The following PTPRT variants were observed in gnomAD, a reference collection of about 807,000 sequenced individuals.
The protein encoded by PTPRT is receptor-type tyrosine-protein phosphatase T.
In PTPRT, 56 loss-of-function variants were observed where a neutral mutation model predicts 176.8. The ratio of observed to expected loss-of-function variants is 0.32; its 90% CI spans 0.26 to 0.40. The LOEUF is 0.40. PTPRT is among the 10% of genes least tolerant of loss of function. PTPRT has a pLI of 1.00. For missense variants in PTPRT, 1,540 were observed against 1,908.2 expected (o/e 0.81, Z 3.60); for synonymous variants, 783 against 739.0 (o/e 1.06, Z -0.96).
intron 5 of PTPRT, among the ~76,000 whole-genome samples, chr20:42,761,582 G>A (rs1049590257): frequency 1.3e-5 from 2 of 152,242 alleles, no homozygotes; most frequent in Admixed American, 6.5e-5. Context: ...GTCTGATAAA[G>A]TGTGAGATAA....
chr20:42,227,252 A>G (rs553093264), intron 15 of PTPRT, among the ~76,000 whole-genome samples: 11 of 152,284 alleles, frequency 7.2e-5, no homozygotes, highest in Non-Finnish European at 1.3e-4. Context: ...TGGGCAGAGG[A>G]AAGGTTGAAT....
chr20:42,614,049 C>T (rs1001847584), intron 7 of PTPRT, among the ~76,000 whole-genome samples: 1 of 151,880 alleles, frequency 6.6e-6, no homozygotes, highest in Non-Finnish European at 1.5e-5. Context: ...ACTGAAAGTC[C>T]AAGATCAAGG....
At chr20:42,876,573 C>T (rs1466873827) in intron 2 of PTPRT, among the ~76,000 whole-genome samples, 1 of 152,172 alleles carries the variant, frequency 6.6e-6, no homozygotes, top group African/African-American at 2.4e-5. Flanking sequence ...CCCATCCTGA[C>T]CAAAGCCTCG....
intron 1 of PTPRT, among the ~76,000 whole-genome samples, chr20:42,954,238 C>T (rs1981471661): frequency 6.6e-6 from 1 of 152,182 alleles, no homozygotes; most frequent in Admixed American, 6.5e-5. Flanking sequence ...CCAGGAGAAA[C>T]AGACCTTGCA....
chr20:42,237,098 C>T (rs1034415849), intron 14 of PTPRT, among the ~76,000 whole-genome samples: 3 of 152,192 alleles, frequency 2.0e-5, no homozygotes, highest in Non-Finnish European at 2.9e-5. Flanking sequence ...CAGCCCCCAG[C>T]CATTTTACTT....
intron 9 of PTPRT, among the ~76,000 whole-genome samples, chr20:42,366,948 C>T (rs1261228211): frequency 1.3e-5 from 2 of 152,178 alleles, no homozygotes; most frequent in Non-Finnish European, 2.9e-5. Flanking sequence ...TGAGACGTTG[C>T]CTTTTTTTCC....
intron 7 of PTPRT, among the ~76,000 whole-genome samples, chr20:42,567,203 G>A (rs186065796): frequency 9.9e-5 from 15 of 152,084 alleles, no homozygotes; most frequent in Admixed American, 9.8e-4. Context: ...AACCCAGGAG[G>A]TGGAGGCTGC....
At chr20:42,115,820 G>T (rs1341071661) in intron 21 of PTPRT, among the ~76,000 whole-genome samples, 1 of 152,116 alleles carries the variant, frequency 6.6e-6, no homozygotes, top group Non-Finnish European at 1.5e-5. Context: ...AGAAGTGGTT[G>T]GGAGGGGGAC....
intron 6 of PTPRT, among the ~76,000 whole-genome samples, chr20:42,693,353 C>A (rs1024254944): frequency 1.3e-5 from 2 of 152,064 alleles, no homozygotes; most frequent in Non-Finnish European, 2.9e-5. Context: ...ATTTGACAAA[C>A]TTATTCTGAA....
At chr20:42,979,603 A>G (rs1158288374) in intron 1 of PTPRT, among the ~76,000 whole-genome samples, 1 of 152,164 alleles carries the variant, frequency 6.6e-6, no homozygotes, top group Admixed American at 6.5e-5. Context: ...AATCTATCTG[A>G]GAGGACACAT....
intron 24 of PTPRT, among the ~76,000 whole-genome samples, chr20:42,105,039 C>A (rs1986302743): frequency 6.6e-6 from 1 of 152,166 alleles, no homozygotes; most frequent in Non-Finnish European, 1.5e-5. Context: ...CTGAGGAAGG[C>A]TGCTTGCTGC....
Position 42,503,658 on chromosome 20 carries a change from A to C in PTPRT, c.1154-31096T>G, listed in dbSNP as rs368760589. On this transcript the variant is annotated intron_variant, in intron 7 of 30. Coordinates refer to ENST00000373187, the MANE Select transcript of PTPRT (RefSeq NM_007050.6). ...ATATTCTCTAATCTCGGAGTGCAGC[A>C]TTTTATACTTGTCAACTGGATTGTT... is the stretch of plus-strand genomic sequence containing the variant. 2.0e-5 allele frequency among the ~76,000 whole-genome samples: 3 copies of C among 152,018 alleles called. No individual in the cohort carries two copies. In the South Asian group the frequency reaches 6.2e-4, roughly 32 times the overall value.
chr20:42,160,323 G>A (rs908891725), intron 17 of PTPRT, among the ~76,000 whole-genome samples: 1 of 152,190 alleles, frequency 6.6e-6, no homozygotes, highest in Admixed American at 6.5e-5. Context: ...AACCAGGAGA[G>A]TTGCAGAATT....
intron 16 of PTPRT, among the ~76,000 whole-genome samples, chr20:42,184,367 G>A (rs1990640084): frequency 1.3e-5 from 2 of 151,982 alleles, no homozygotes; most frequent in Admixed American, 1.3e-4. Flanking sequence ...TGTTTTCTTT[G>A]ATCACCTTGA....
At chr20:43,073,030 A>C (rs2011201264) in intron 1 of PTPRT, among the ~76,000 whole-genome samples, 1 of 152,208 alleles carries the variant, frequency 6.6e-6, no homozygotes, top group Non-Finnish European at 1.5e-5. Context: ...AAAGACTTCC[A>C]AGCAGCCTTA....
chr20:42,035,747 A>G, the PTPRT span, among the ~76,000 whole-genome samples: 1 of 152,232 alleles, frequency 6.6e-6, no homozygotes, highest in African/African-American at 2.4e-5. Context: ...ATAGGCACTC[A>G]GTAAAAATTG....
intron 2 of PTPRT, among the ~76,000 whole-genome samples, chr20:42,796,421 G>A (rs149623686): frequency 7.5e-4 from 114 of 152,302 alleles, no homozygotes; most frequent in African/African-American, 2.6e-3. Flanking sequence ...TTACATCCAA[G>A]TGAGTCACAG....
intron 1 of PTPRT, among the ~76,000 whole-genome samples, chr20:42,963,993 C>T (rs1982152813): frequency 6.6e-6 from 1 of 152,088 alleles, no homozygotes; most frequent in South Asian, 2.1e-4. Context: ...TTTTGTAACC[C>T]TTTAGAAATG....
intron 1 of PTPRT, among the ~76,000 whole-genome samples, chr20:42,939,451 C>T (rs896117892): frequency 6.6e-6 from 1 of 152,226 alleles, no homozygotes; most frequent in African/African-American, 2.4e-5. Context: ...GTCTTCCCCC[C>T]TCCTTTTCCT....
Sources: gnomAD v4.1 joint callset for allele counts (sites outside exome capture counted in the v4.1 genomes callset) on GRCh38, gnomAD v4.1.1 for gene constraint, MANE v1.5 for transcripts, NCBI Gene and HGNC (gene_info 2026-07-23, HGNC 2026-07-21) for gene names.